ROR2: variants seen among roughly 807,000 people sequenced by gnomAD.
ROR2 encodes tyrosine-protein kinase transmembrane receptor ROR2.
Under a neutral mutation model 74.9 loss-of-function variants are expected in ROR2, and 33 were observed. That is an observed-to-expected ratio of 0.44 (90% CI 0.33 to 0.59). ROR2 has a LOEUF of 0.59. Among genes scored for constraint, ROR2 ranks in the 20% least tolerant of loss-of-function variants. The pLI is 0.02. For missense variants in ROR2, 1,216 were observed against 1,313.8 expected (o/e 0.93, Z 1.15); for synonymous variants, 586 against 558.7 (o/e 1.05, Z -0.69).
intron 1 of ROR2, among the ~76,000 whole-genome samples, chr9:91,934,397 G>C (rs1587858070): frequency 6.6e-6 from 1 of 152,136 alleles, no homozygotes; most frequent in Non-Finnish European, 1.5e-5. Flanking sequence ...TAAATACTTA[G>C]AATTATGAAC....
intron 1 of ROR2, among the ~76,000 whole-genome samples, chr9:91,912,379 T>G (rs934384546): frequency 6.6e-6 from 1 of 152,194 alleles, no homozygotes; most frequent in South Asian, 2.1e-4. Flanking sequence ...ATGGCTAGAA[T>G]TGTAATGTTT....
At chr9:91,759,057 G>A (rs1825838708) in intron 2 of ROR2, among the ~76,000 whole-genome samples, 1 of 152,194 alleles carries the variant, frequency 6.6e-6, no homozygotes, top group South Asian at 2.1e-4. Context: ...CTCATTTCTG[G>A]TTGGCCTTGA....
intron 4 of ROR2, among the ~76,000 whole-genome samples, chr9:91,752,310 T>C (rs1404225006): frequency 1.3e-5 from 2 of 152,260 alleles, no homozygotes; most frequent in East Asian, 1.9e-4. Context: ...TTATTCATAG[T>C]AGTCAAGCCT....
rs370700066 is a variant in ROR2, at chr9:91,915,911, C to T, written c.97+33956G>A. On this transcript the variant is annotated intron_variant, in intron 1 of 8. Coordinates refer to ENST00000375708, the MANE Select transcript of ROR2 (RefSeq NM_004560.4). ...GAAAAAGTTCTCCAAGTCCTCACCC[C>T]GCCCAGAAATCCAGCTGGCTTCACC... 3.9e-5 allele frequency among the ~76,000 whole-genome samples: 6 copies of T among 152,318 alleles called. No homozygotes were observed. The East Asian group carries it at 9.6e-4, about 24-fold the overall frequency.
chr9:91,864,195 G>C (rs561247925), intron 1 of ROR2, among the ~76,000 whole-genome samples: 1 of 152,284 alleles, frequency 6.6e-6, no homozygotes, highest in African/African-American at 2.4e-5. Context: ...AATTCGACAG[G>C]AAAGGCCCCA....
chr9:91,928,321 C>G (rs1391534079), intron 1 of ROR2, among the ~76,000 whole-genome samples: 1 of 152,232 alleles, frequency 6.6e-6, no homozygotes, highest in Non-Finnish European at 1.5e-5. Flanking sequence ...CAACCTGCTG[C>G]TGCCCTTGAG....
chr9:91,805,715 A>G (rs1023944671), intron 1 of ROR2, among the ~76,000 whole-genome samples: 14 of 152,058 alleles, frequency 9.2e-5, no homozygotes, highest in Admixed American at 7.9e-4. Flanking sequence ...ACACACACCC[A>G]CACACACACA....
At chr9:91,805,619 G>A (rs1482040734) in intron 1 of ROR2, among the ~76,000 whole-genome samples, 1 of 152,174 alleles carries the variant, frequency 6.6e-6, no homozygotes, top group Non-Finnish European at 1.5e-5. Context: ...AAATGCCAGC[G>A]TGGCCTGGGC....
chr9:91,741,766 G>A (rs1421029136), intron 4 of ROR2, among the ~76,000 whole-genome samples: 1 of 152,176 alleles, frequency 6.6e-6, no homozygotes, highest in East Asian at 1.9e-4. Context: ...AGGAGACAGA[G>A]CAGACCAGCC....
intron 1 of ROR2, among the ~76,000 whole-genome samples, chr9:91,938,215 T>C (rs1373865853): frequency 1.3e-5 from 2 of 152,180 alleles, no homozygotes; most frequent in Non-Finnish European, 2.9e-5. Flanking sequence ...TCCCAACACT[T>C]TGGGAGGCCA....
At position 91,825,128 on chromosome 9, in the gene ROR2, T is replaced by A. The variant is rs374479232; in HGVS notation, c.98-49310A>T. Among the ~76,000 whole-genome samples the A allele has an allele frequency of 3.7e-4, 56 of 152,316 alleles. No individual in the cohort carries two copies. In the South Asian group the frequency reaches 0.01, roughly 28 times the overall value. ...AGAAAAACACATCTGTTTCCACCGCTGGCAGCATGTCTGTAACACACAGAA... is the reference window on the plus strand; with the variant it reads ...AGAAAAACACATCTGTTTCCACCGCAGGCAGCATGTCTGTAACACACAGAA... On this transcript the variant is annotated intron_variant, in intron 1 of 8. Coordinates refer to ENST00000375708, the MANE Select transcript of ROR2 (RefSeq NM_004560.4).
chr9:91,927,765 T>C (rs983346976), intron 1 of ROR2, among the ~76,000 whole-genome samples: 1 of 152,012 alleles, frequency 6.6e-6, no homozygotes, highest in Non-Finnish European at 1.5e-5. Flanking sequence ...GGTTTCACCA[T>C]GTTGCCCAGG....
At chr9:91,860,863 T>A (rs1829449308) in intron 1 of ROR2, among the ~76,000 whole-genome samples, 1 of 152,188 alleles carries the variant, frequency 6.6e-6, no homozygotes, top group Admixed American at 6.5e-5. Context: ...GCTCTACCAT[T>A]CTCTAGGTAC....
intron 4 of ROR2, among the ~76,000 whole-genome samples, chr9:91,743,486 G>A (rs958517908): frequency 6.6e-6 from 1 of 152,000 alleles, no homozygotes; most frequent in Non-Finnish European, 1.5e-5. Context: ...CAGGACAATC[G>A]CTTGAACCTG....
intron 4 of ROR2, among the ~76,000 whole-genome samples, chr9:91,752,307 T>C (rs1348083376): frequency 1.3e-5 from 2 of 152,358 alleles, no homozygotes; most frequent in African/African-American, 2.4e-5. Context: ...ACTTTATTCA[T>C]AGTAGTCAAG....
At chr9:91,940,696 G>A (rs911601047) in intron 1 of ROR2, among the ~76,000 whole-genome samples, 3 of 107,386 alleles carry the variant, frequency 2.8e-5, no homozygotes, top group Non-Finnish European at 5.1e-5. Context: ...CTGGGTCCAA[G>A]TGATCCTCCT....
chr9:91,915,418 C>T (rs1831101797), intron 1 of ROR2, among the ~76,000 whole-genome samples: 1 of 152,172 alleles, frequency 6.6e-6, no homozygotes, highest in Non-Finnish European at 1.5e-5. Context: ...TGCGGACCTT[C>T]ACAGTGAGTG....
At chr9:91,803,690 A>G (rs1192808049) in intron 1 of ROR2, among the ~76,000 whole-genome samples, 1 of 152,262 alleles carries the variant, frequency 6.6e-6, no homozygotes, top group Non-Finnish European at 1.5e-5. Context: ...GTTTCCCTTC[A>G]TGACTGCATG....
Position 91,860,482 on chromosome 9 carries a change from C to T in ROR2, c.98-84664G>A, listed in dbSNP as rs575090741. Reference sequence around the variant, plus strand: ...CCAATAGGATGTACATATGGAAATGCATGAGAGGGGATTCATTTGGGGAAC... The same window carrying T: ...CCAATAGGATGTACATATGGAAATGTATGAGAGGGGATTCATTTGGGGAAC... On this transcript the variant is annotated intron_variant, in intron 1 of 8. Transcript: ENST00000375708. 5.9e-5 allele frequency among the ~76,000 whole-genome samples: 9 copies of T among 152,298 alleles called. No homozygotes were observed. The South Asian group carries it at 1.7e-3, about 28-fold the overall frequency.
Sources: gnomAD v4.1 joint callset for allele counts (sites outside exome capture counted in the v4.1 genomes callset) on GRCh38, gnomAD v4.1.1 for gene constraint, MANE v1.5 for transcripts, NCBI Gene and HGNC (gene_info 2026-07-23, HGNC 2026-07-21) for gene names.